The following TAF5 variants were observed in gnomAD, a reference collection of about 807,000 sequenced individuals.
TAF5 encodes the protein transcription initiation factor TFIID subunit 5.
In TAF5, 20 loss-of-function variants were observed where a neutral mutation model predicts 80.9. That is an observed-to-expected ratio of 0.25 (90% CI 0.17 to 0.36). TAF5 has a LOEUF of 0.36. Among genes scored for constraint, TAF5 ranks in the 10% least tolerant of loss-of-function variants. The probability of loss-of-function intolerance (pLI) is 1.00; values close to 1 mark genes in which losing one functional copy is unlikely to be tolerated. For synonymous variants in TAF5, 388 were observed against 406.4 expected (o/e 0.95, Z 0.55); for missense variants, 863 against 1,029.4 (o/e 0.84, Z 2.21).
At chr10:103,373,894 A>G (rs1241898402) in intron 2 of TAF5, among the ~76,000 whole-genome samples, 1 of 152,142 alleles carries the variant, frequency 6.6e-6, no homozygotes, top group Non-Finnish European at 1.5e-5. Context: ...TCTGGTGGGA[A>G]GGATCCTGGT....
intron 2 of TAF5, among the ~76,000 whole-genome samples, chr10:103,376,082 T>G: frequency 1.3e-5 from 2 of 151,520 alleles, no homozygotes; most frequent in Admixed American, 6.6e-5. Context: ...AGGCCGTGCT[T>G]AGCAGTGTGA....
intron 1 of TAF5, 80 bp from the exon 2 acceptor site, chr10:103,373,278 C>T (rs1324977732): frequency 3.7e-6 from 4 of 1,090,564 alleles, no homozygotes; most frequent in African/African-American, 3.1e-5. Context: ...AAACAACTCA[C>T]CTGTGGGCTT....
chr10:103,383,764 G>T (rs2093388702), intron 7 of TAF5, among the ~76,000 whole-genome samples: 1 of 151,938 alleles, frequency 6.6e-6, no homozygotes, highest in African/African-American at 2.4e-5. Flanking sequence ...TTTTATTAGA[G>T]ATGGGGTTTC....
At chr10:103,383,213 TATCA>T in intron 6 of TAF5, 21 bp from the exon 7 acceptor site, 1 of 1,530,254 alleles carries the variant, frequency 6.5e-7, no homozygotes, top group Non-Finnish European at 8.8e-7. Context: ...ACTTATAAAA[TATCA>T]ATATTTCTGG....
At chr10:103,371,158 A>G (rs2093358713) in intron 1 of TAF5, among the ~76,000 whole-genome samples, 1 of 151,490 alleles carries the variant, frequency 6.6e-6, no homozygotes, top group South Asian at 2.1e-4. Flanking sequence ...CAGGTGAACC[A>G]CTTTAACCCA....
intron 3 of TAF5, 98 bp from the exon 4 acceptor site, chr10:103,379,510 A>T: frequency 9.1e-7 from 1 of 1,096,180 alleles, no homozygotes; most frequent in Non-Finnish European, 1.3e-6. Flanking sequence ...TCAGAGTGTA[A>T]ATTACTATTT....
In TAF5 at chr10:103,388,078, C is replaced by A. The variant is rs1304521180; in HGVS notation, c.2258C>A (p.Thr753Asn). Residue 753 changes from threonine (T) to asparagine (N), a missense_variant, in exon 11 of 11, where the codon ACT becomes AAT. This residue lies in a region of TAF5 where 368 missense variants were observed against 461.7 expected (regional missense o/e 0.80). Transcript: ENST00000369839. ...AFEDLETDDF[T>N]TATGHINLPE... Reference sequence around the variant, plus strand: ...GAAGATTTAGAGACCGATGACTTTACTACAGCCACTGGGCATATAAATTTA... The same window carrying A: ...GAAGATTTAGAGACCGATGACTTTAATACAGCCACTGGGCATATAAATTTA... The A allele has an allele frequency of 1.2e-6, 2 of 1,613,968 alleles. No homozygotes were observed. The highest frequency in any genetic ancestry group is 1.7e-5 in the Admixed American group (1 of 60,004).
At position 103,368,563 on chromosome 10, in the gene TAF5, C is replaced by A; in HGVS notation, c.559+15C>A. ...TCCGGGTAAAGGTGAGCCGTGGGGTCCCGGGTAGGTACGGCCGCCGCGAAG... is the reference window on the plus strand; with the variant it reads ...TCCGGGTAAAGGTGAGCCGTGGGGTACCGGGTAGGTACGGCCGCCGCGAAG... On this transcript the variant is annotated intron_variant, in intron 1 of 10. Transcript: ENST00000369839. The A allele has an allele frequency of 2.0e-6, 3 of 1,474,094 alleles. No individual in the cohort carries two copies. The highest frequency in any genetic ancestry group is 2.7e-6 in the Non-Finnish European group (3 of 1,120,526). The allele number at this position is 1,474,094 out of a possible 1,614,324, so 91.3% of individuals were successfully genotyped here.
At chr10:103,369,705 A>T (rs190456663) in intron 1 of TAF5, among the ~76,000 whole-genome samples, 31 of 152,154 alleles carry the variant, frequency 2.0e-4, no homozygotes, top group Middle Eastern at 3.4e-3. Flanking sequence ...ACCAGTGTTA[A>T]GTCTTTGGAG....
Position 103,374,206 on chromosome 10 carries a change from A to G in TAF5, c.797+611A>G, listed in dbSNP as rs961355651. 2.6e-5 allele frequency among the ~76,000 whole-genome samples: 4 copies of G among 152,214 alleles called. No individual in the cohort carries two copies. Among genetic ancestry groups the G allele is most frequent in the Non-Finnish European group, 5.9e-5 (4 of 68,040 alleles). ...TGCCTTTATCTTAAGAAAACTAGGAAGCAGTGTTAGGATTCGATTAGAATA... is the reference window on the plus strand; with the variant it reads ...TGCCTTTATCTTAAGAAAACTAGGAGGCAGTGTTAGGATTCGATTAGAATA... On this transcript the variant is annotated intron_variant, in intron 2 of 10. Coordinates refer to ENST00000369839, the MANE Select transcript of TAF5 (RefSeq NM_006951.5). The surrounding 1 kb of genome is among the most constrained non-coding windows in gnomAD (Gnocchi z 4.3).
intron 1 of TAF5, 69 bp downstream of exon 1, chr10:103,368,617 C>T (rs982511320): frequency 7.0e-7 from 1 of 1,419,320 alleles, no homozygotes; most frequent in Non-Finnish European, 9.2e-7. Flanking sequence ...CAGGGGCTGG[C>T]AGGCCTGCAC....
At position 103,379,646 on chromosome 10, in the gene TAF5, A is replaced by G. The variant is rs374174874; in HGVS notation, c.1152A>G (p.Val384=). 1 of 1,599,168 alleles carries G rather than the reference A, an allele frequency of 6.3e-7. No individual in the cohort carries two copies. The change falls in exon 4 of 11, where the codon GTA becomes GTG. Residue 384 remains valine, a synonymous_variant. Coordinates refer to ENST00000369839, the MANE Select transcript of TAF5 (RefSeq NM_006951.5). The part of the protein sequence containing the change: ...FGLLKEPEIE[V]PLDDEDEEGE... ...TATTAAAAGAACCAGAAATTGAGGT[A>G]CCTTTGGATGACGAGGATGAAGAGG...
At chr10:103,369,680 T>C (rs919505206) in intron 1 of TAF5, among the ~76,000 whole-genome samples, 4 of 152,044 alleles carry the variant, frequency 2.6e-5, no homozygotes, top group Admixed American at 6.6e-5. Context: ...TAAAAATATA[T>C]ATGGGCTGAG....
intron 5 of TAF5, among the ~76,000 whole-genome samples, chr10:103,381,092 G>A (rs2093381779): frequency 6.6e-6 from 1 of 151,500 alleles, no homozygotes. Context: ...GGGATTATAG[G>A]CATGAGCCAC....
At chr10:103,368,637 C>G (rs2093351567) in intron 1 of TAF5, 89 bp downstream of exon 1, 3 of 1,380,982 alleles carry the variant, frequency 2.2e-6, no homozygotes, top group Non-Finnish European at 2.8e-6. Context: ...CCTCTGCGGG[C>G]TTGTTTTGAA....
At chr10:103,380,820 C>T (rs1341434650) in intron 5 of TAF5, among the ~76,000 whole-genome samples, 3 of 151,888 alleles carry the variant, frequency 2.0e-5, no homozygotes, top group East Asian at 1.9e-4. Flanking sequence ...AGGATTTTGC[C>T]GTGTTGCCCA....
At chr10:103,382,440 G>A (rs2093385002) in intron 6 of TAF5, among the ~76,000 whole-genome samples, 1 of 152,012 alleles carries the variant, frequency 6.6e-6, no homozygotes. Context: ...GGCCAGGCTG[G>A]TCTCGAACTC....
chr10:103,371,520 T>G (rs1332549784), intron 1 of TAF5, among the ~76,000 whole-genome samples: 6 of 152,226 alleles, frequency 3.9e-5, no homozygotes, highest in Admixed American at 3.9e-4. Flanking sequence ...AATTGACAGA[T>G]TAATTGACTG....
In TAF5 at chr10:103,383,344, C is replaced by T. The variant is rs142639122; in HGVS notation, c.1641C>T (p.Tyr547=). 2.5e-5 allele frequency: 40 copies of T among 1,598,282 alleles called. No individual in the cohort carries two copies. Among genetic ancestry groups the T allele is most frequent in the African/African-American group, 8.1e-5 (6 of 73,780 alleles). ...TGTATGGTCACAGTGGGCCTGTCTA[C>T]GGAGCCAGCTTCAGTCCGGATAGGT... ...KILYGHSGPV[Y]GASFSPDRNY... The change falls in exon 7 of 11, where the codon TAC becomes TAT. Residue 547 remains tyrosine, a synonymous_variant. Transcript: ENST00000369839.
Sources: allele counts gnomAD v4.1 joint callset (sites outside exome capture counted in the v4.1 genomes callset), GRCh38; gene constraint gnomAD v4.1.1; regional missense constraint gnomAD v4.1.1; non-coding constraint Gnocchi (gnomAD v3.1); transcripts MANE v1.5; gene names NCBI Gene and HGNC (gene_info 2026-07-23, HGNC 2026-07-21).